The following KATNAL2 variants were observed in gnomAD, a reference collection of about 807,000 sequenced individuals.
The protein encoded by KATNAL2 is katanin p60 ATPase-containing subunit A-like 2.
Under a neutral mutation model 76.3 loss-of-function variants are expected in KATNAL2, and 52 were observed. The observed-to-expected ratio is 0.68, with a 90% CI of 0.55 to 0.86. The LOEUF (loss-of-function observed/expected upper bound fraction) is 0.86, where lower values mean the gene tolerates loss of function less well. KATNAL2 is among the 40% of genes least tolerant of loss of function. KATNAL2 has a pLI of 0.00. For synonymous variants in KATNAL2, 243 were observed against 244.2 expected, an observed-to-expected ratio of 1.00 and a Z score of 0.05; for missense variants, 660 against 668.9, an observed-to-expected ratio of 0.99 and a Z score of 0.15.
chr18:47,034,745 G>C (rs753405387), intron 3 of KATNAL2: 10 of 1,612,660 alleles, frequency 6.2e-6, no homozygotes, highest in Non-Finnish European at 8.5e-6. Flanking sequence ...GGAGCTGTGC[G>C]CGTTGGAGAG....
At chr18:46,944,866 G>A (rs2146652033) in intron 1 of KATNAL2, among the ~76,000 whole-genome samples, 1 of 152,364 alleles carries the variant, frequency 6.6e-6, no homozygotes, top group Admixed American at 6.5e-5. Context: ...GGCGGAGGTT[G>A]CAGTGAACCA....
rs542129075 is a variant in KATNAL2, at chr18:47,073,484, C to G, written c.1009-1793C>G. Among the ~76,000 whole-genome samples the G allele has an allele frequency of 3.3e-5, 5 of 152,336 alleles. No individual in the cohort carries two copies. In the East Asian group the frequency reaches 9.6e-4, roughly 29 times the overall value. ...TCTGAGCTTTTGGGAAGATCCTCAA[C>G]TGGACAATCTTGGTCATGCTGTCAG... On this transcript the variant is annotated intron_variant, in intron 13 of 17. Coordinates refer to ENST00000683218, the MANE Select transcript of KATNAL2 (RefSeq NM_001387690.1).
intron 1 of KATNAL2, among the ~76,000 whole-genome samples, chr18:46,921,435 A>T (rs1010290357): frequency 2.0e-5 from 3 of 152,192 alleles, no homozygotes; most frequent in Admixed American, 2.0e-4. Context: ...ATAAAGTGTC[A>T]TAAGATTTTA....
intron 15 of KATNAL2, among the ~76,000 whole-genome samples, chr18:47,088,430 G>A (rs756506073): frequency 6.6e-6 from 1 of 152,096 alleles, no homozygotes; most frequent in Non-Finnish European, 1.5e-5. Flanking sequence ...CTTGGCCAAA[G>A]GAAAAGTCTT....
chr18:47,077,274 C>A, intron 14 of KATNAL2, 77 bp from the exon 15 acceptor site: 1 of 1,059,318 alleles, frequency 9.4e-7, no homozygotes, highest in Non-Finnish European at 1.5e-6. Context: ...GTCACAGGGA[C>A]ATTGCTGTGA....
At position 47,053,022 on chromosome 18, in the gene KATNAL2, A is replaced by G. The variant is rs1175033693; in HGVS notation, c.265A>G (p.Ile89Val). The change falls in exon 5 of 18, where the codon ATT (isoleucine) becomes GTT (valine). Residue 89 changes from isoleucine (I) to valine (V), a missense_variant. Coordinates refer to ENST00000683218, the MANE Select transcript of KATNAL2 (RefSeq NM_001387690.1). Reference sequence around the variant, plus strand: ...TGTAAAATTTCAGAAATACCCCAAAATTGTCAAAAAGTCATCAGACACAGG... The same window carrying G: ...TGTAAAATTTCAGAAATACCCCAAAGTTGTCAAAAAGTCATCAGACACAGG... ...YFVKFQKYPK[I>V]VKKSSDTAEN... 2 of 1,606,240 alleles carry G rather than the reference A, an allele frequency of 1.2e-6. No individual in the cohort carries two copies. Among genetic ancestry groups the G allele is most frequent in the East Asian group, 2.2e-5 (1 of 44,748 alleles).
At chr18:47,039,940 A>C (rs996916095) in intron 3 of KATNAL2, among the ~76,000 whole-genome samples, 1 of 152,220 alleles carries the variant, frequency 6.6e-6, no homozygotes, top group Non-Finnish European at 1.5e-5. Context: ...CATTGTTAGA[A>C]ATGGGACCAG....
At chr18:47,031,757 C>T (rs1242682071) in intron 3 of KATNAL2, among the ~76,000 whole-genome samples, 1 of 152,136 alleles carries the variant, frequency 6.6e-6, no homozygotes, top group African/African-American at 2.4e-5. Context: ...GAGGTAGGGC[C>T]TTGAGCCTCC....
intron 3 of KATNAL2, chr18:47,032,877 T>A (rs1020075578): frequency 5.1e-6 from 8 of 1,565,314 alleles, no homozygotes; most frequent in Non-Finnish European, 6.9e-6. Flanking sequence ...CCTGCAGAAT[T>A]CAAAGGCTCA....
intron 1 of KATNAL2, 178 bp downstream of exon 1, chr18:46,918,104 G>A (rs907621418): frequency 6.6e-6 from 1 of 152,086 alleles, no homozygotes; most frequent in Non-Finnish European, 1.5e-5. Context: ...TGAAATAAGA[G>A]CGCTCAGAAG....
rs55682632 is a variant in KATNAL2, at chr18:47,067,375, A to G, written c.825+256A>G. 0.017 allele frequency among the ~76,000 whole-genome samples: 2,636 copies of G among 152,318 alleles called. 40 individuals are homozygous for G. Among genetic ancestry groups the G allele is most frequent in the Non-Finnish European group, 0.027 (1,843 of 68,032 alleles). On this transcript the variant is annotated intron_variant, in intron 11 of 17. Transcript: ENST00000683218. ...ACTTTAAAATCTAAGACCATAGTAT[A>G]CATGATTTGTCAGATTGATTCAAAT...
At chr18:47,043,210 G>C (rs1389065043) in intron 3 of KATNAL2, among the ~76,000 whole-genome samples, 2 of 49,650 alleles carry the variant, frequency 4.0e-5, no homozygotes, top group Non-Finnish European at 8.2e-5. Context: ...CCCGGCGACA[G>C]AGCGAGACTC....
At chr18:47,043,957 T>A (rs1387460256) in intron 3 of KATNAL2, among the ~76,000 whole-genome samples, 1 of 152,108 alleles carries the variant, frequency 6.6e-6, no homozygotes, top group Non-Finnish European at 1.5e-5. Flanking sequence ...TTGAAAAGGG[T>A]ATAAGACAGC....
chr18:47,099,425 G>A lies in KATNAL2; in HGVS notation c.1374+20G>A, dbSNP rs762166163. The A allele has an allele frequency of 1.6e-5, 25 of 1,593,110 alleles. No homozygotes were observed. Among genetic ancestry groups the A allele is most frequent in the African/African-American group, 4.0e-5 (3 of 74,438 alleles). ...AGCCAGGTCAGCTGCCCTGGAGAGG[G>A]GCACATGTAGGTCAAGGGCCCACCA... On this transcript the variant is annotated intron_variant, in intron 16 of 17. Coordinates refer to ENST00000683218, the MANE Select transcript of KATNAL2 (RefSeq NM_001387690.1).
intron 1 of KATNAL2, among the ~76,000 whole-genome samples, chr18:46,929,732 A>G (rs1045933308): frequency 3.3e-5 from 5 of 152,182 alleles, no homozygotes; most frequent in African/African-American, 9.7e-5. Flanking sequence ...ATATTTAAGA[A>G]TGGAATTGCT....
intron 1 of KATNAL2, among the ~76,000 whole-genome samples, chr18:46,943,288 A>C (rs369533565): frequency 1.3e-5 from 2 of 152,156 alleles, no homozygotes; most frequent in Admixed American, 6.5e-5. Flanking sequence ...ACAGCAACTC[A>C]ATCTTGAATA....
chr18:47,054,290 A>T, intron 5 of KATNAL2, 106 bp from the exon 6 acceptor site: 1 of 1,009,480 alleles, frequency 9.9e-7, no homozygotes, highest in Non-Finnish European at 1.5e-6. Flanking sequence ...ATTGGTTAAA[A>T]CTCAAATTTT....
chr18:47,033,610 T>C lies in KATNAL2; in HGVS notation c.52-12847T>C, dbSNP rs2060599548. 1 of 1,614,150 alleles carries C rather than the reference T, an allele frequency of 6.2e-7. No homozygotes were observed. Among genetic ancestry groups the C allele is most frequent in the Non-Finnish European group, 8.5e-7 (1 of 1,180,022 alleles). On this transcript the variant is annotated intron_variant, in intron 3 of 17. Transcript: ENST00000683218. ...TTCCAGAACAGGTTCAAGAACCCAG[T>C]AGGGGACCTCTCCCACGTCGCTGAG...
At position 47,043,820 on chromosome 18, in the gene KATNAL2, C is replaced by CA. The variant is rs10579981; in HGVS notation, c.52-2623dup. On this transcript the variant is annotated intron_variant, in intron 3 of 17. Coordinates refer to ENST00000683218, the MANE Select transcript of KATNAL2 (RefSeq NM_001387690.1). Reference sequence around the variant, plus strand: ...ATAAAAATGGGGTGGTTATTCATTTCAAAAAAAAAAAAAATGTACAGAAAT... The same window carrying CA: ...ATAAAAATGGGGTGGTTATTCATTTCAAAAAAAAAAAAAAATGTACAGAAAT... 5.8e-3 allele frequency among the ~76,000 whole-genome samples: 842 copies of CA among 144,700 alleles called. 8 individuals are homozygous for CA. The highest frequency in any genetic ancestry group is 0.012 in the African/African-American group (451 of 38,916). 94.9% of individuals were successfully genotyped at this position (144,700 alleles called of 152,430 possible).
Sources: gnomAD v4.1 joint callset for allele counts (sites outside exome capture counted in the v4.1 genomes callset) on GRCh38, gnomAD v4.1.1 for gene constraint, MANE v1.5 for transcripts, NCBI Gene and HGNC (gene_info 2026-07-23, HGNC 2026-07-21) for gene names.